The following DCAF5 variants were observed in gnomAD, a reference collection of about 807,000 sequenced individuals.
DCAF5 encodes the protein DDB1 and CUL4 associated factor 5, also known as DDB1- and CUL4-associated factor 5.
Under a neutral mutation model 80.7 loss-of-function variants are expected in DCAF5, and 9 were observed. The observed-to-expected ratio is 0.11, with a 90% CI of 0.07 to 0.19. The LOEUF (loss-of-function observed/expected upper bound fraction) is 0.19. DCAF5 is among the 10% of genes least tolerant of loss of function. DCAF5 has a pLI of 1.00. For synonymous variants in DCAF5, 433 were observed against 461.9 expected (o/e 0.94, Z 0.80); for missense variants, 842 against 1,205.7 (o/e 0.70, Z 4.47).
At chr14:69,111,828 T>A (rs970142197) in intron 5 of DCAF5, among the ~76,000 whole-genome samples, 1 of 152,218 alleles carries the variant, frequency 6.6e-6, no homozygotes, top group Admixed American at 6.5e-5. Context: ...AATGTTTTTT[T>A]ATCCAGTCAC....
intron 5 of DCAF5, among the ~76,000 whole-genome samples, chr14:69,108,764 G>A (rs940460683): frequency 6.6e-6 from 1 of 152,164 alleles, no homozygotes; most frequent in Non-Finnish European, 1.5e-5. Context: ...GTAGAAGACA[G>A]AAAGAAGGGA....
At chr14:69,124,391 G>A (rs2040815065) in intron 1 of DCAF5, among the ~76,000 whole-genome samples, 1 of 152,096 alleles carries the variant, frequency 6.6e-6, no homozygotes, top group Non-Finnish European at 1.5e-5. Flanking sequence ...TTTTGCCACA[G>A]CAGATTTCTT....
At chr14:69,101,876 A>G (rs2039964209) in intron 5 of DCAF5, among the ~76,000 whole-genome samples, 1 of 152,186 alleles carries the variant, frequency 6.6e-6, no homozygotes, top group Non-Finnish European at 1.5e-5. Context: ...AAAATACAGT[A>G]TAAAAGATTT....
chr14:69,148,380 G>A (rs185434747), intron 1 of DCAF5, among the ~76,000 whole-genome samples: 1 of 152,274 alleles, frequency 6.6e-6, no homozygotes, highest in East Asian at 1.9e-4. Flanking sequence ...CAATCATCAA[G>A]TATAAGCTAG....
chr14:69,101,010 A>T (rs545529210), intron 5 of DCAF5, among the ~76,000 whole-genome samples: 2 of 152,250 alleles, frequency 1.3e-5, no homozygotes, highest in Non-Finnish European at 2.9e-5. Flanking sequence ...CATGTATATC[A>T]TATCATCTAA....
intron 7 of DCAF5, among the ~76,000 whole-genome samples, chr14:69,072,562 T>C (rs1017930805): frequency 4.1e-5 from 6 of 147,628 alleles, no homozygotes; most frequent in African/African-American, 1.5e-4. Flanking sequence ...CAGTATGCTA[T>C]GATTGTGCCT....
At chr14:69,140,788 C>T (rs1016814324) in intron 1 of DCAF5, among the ~76,000 whole-genome samples, 2 of 152,010 alleles carry the variant, frequency 1.3e-5, no homozygotes, top group Admixed American at 6.6e-5. Context: ...ACTAACTAAC[C>T]ACTCTGCTTC....
rs537241647 is a variant in DCAF5 at position 69,146,543 on chromosome 14, T to C, written c.214+6222A>G. The stretch of plus-strand genomic sequence containing the variant: ...ACCAAATCTCACAGGCAAGAGCATT[T>C]TTGCTGTATTAAGTATAGCAAACCA... On this transcript the variant is annotated intron_variant, in intron 1 of 8. Transcript: ENST00000341516. Among the ~76,000 whole-genome samples the C allele has an allele frequency of 1.4e-3, 215 of 152,332 alleles. 5 individuals are homozygous for C. In the South Asian group the frequency reaches 0.028, roughly 20 times the overall value.
intron 1 of DCAF5, among the ~76,000 whole-genome samples, chr14:69,144,858 A>T (rs1276332129): frequency 6.6e-6 from 1 of 152,202 alleles, no homozygotes; most frequent in Non-Finnish European, 1.5e-5. Context: ...GAGTCCCGAC[A>T]GCCAGAGACA....
chr14:69,053,950 A>T lies in DCAF5; in HGVS notation c.2736T>A (p.Ala912=), dbSNP rs1348599759. 2 of 1,612,996 alleles carry T rather than the reference A, an allele frequency of 1.2e-6. No homozygotes were observed. The highest frequency in any genetic ancestry group is 1.7e-6 in the Non-Finnish European group (2 of 1,179,620). Residue 912 remains alanine, a synonymous_variant, in exon 9 of 9, where the codon GCT becomes GCA. Coordinates refer to ENST00000341516, the MANE Select transcript of DCAF5 (RefSeq NM_003861.3). Reference sequence around the variant, plus strand: ...TTTTGAGGCCACTGTGGCCATGAACAGCCCTGCTACTATCTGTGGCTGGGG... The same window carrying T: ...TTTTGAGGCCACTGTGGCCATGAACTGCCCTGCTACTATCTGTGGCTGGGG... ...TDTPATDSSR[A]VHGHSGLKRQ...
intron 5 of DCAF5, among the ~76,000 whole-genome samples, chr14:69,107,179 C>T (rs2040191938): frequency 1.3e-5 from 2 of 152,196 alleles, no homozygotes; most frequent in African/African-American, 4.8e-5. Flanking sequence ...CAGAGCTCCC[C>T]TCCATTTACC....
At position 69,085,314 on chromosome 14, in the gene DCAF5, C is replaced by T. The variant is rs147726930; in HGVS notation, c.879+6360G>A. The T allele has an allele frequency of 2.6e-3, 1,817 of 708,348 alleles. 26 individuals are homozygous for T. In the African/African-American group the frequency reaches 0.029, roughly 11 times the overall value. 43.9% of individuals were successfully genotyped at this position (708,348 alleles called of 1,614,324 possible). ...GTGGTGGATTTGGCTACCAGAAAAC[C>T]AAGAAAGTTGAGAAGTCCAAAATCT... On this transcript the variant is annotated intron_variant, in intron 6 of 8. Coordinates refer to ENST00000341516, the MANE Select transcript of DCAF5 (RefSeq NM_003861.3).
chr14:69,103,045 T>C (rs2040018788), intron 5 of DCAF5, among the ~76,000 whole-genome samples: 1 of 152,202 alleles, frequency 6.6e-6, no homozygotes, highest in African/African-American at 2.4e-5. Context: ...TTCAGCTCCA[T>C]TATAATCTTA....
At chr14:69,126,184 C>CT (rs1285451121) in intron 1 of DCAF5, among the ~76,000 whole-genome samples, 212 of 137,170 alleles carry the variant, frequency 1.5e-3, no homozygotes, top group Non-Finnish European at 1.9e-3. Flanking sequence ...CGGAGTTTCA[C>CT]TTTTTTTTTT....
intron 6 of DCAF5, chr14:69,085,086 C>T: frequency 1.0e-6 from 1 of 964,456 alleles, no homozygotes; most frequent in East Asian, 2.4e-5. Context: ...GAAATTGATT[C>T]AAAAGAACTA....
intron 6 of DCAF5, among the ~76,000 whole-genome samples, chr14:69,086,375 A>G (rs915497653): frequency 4.3e-4 from 65 of 151,954 alleles, no homozygotes; most frequent in African/African-American, 1.6e-3. Flanking sequence ...ACAAACAAAC[A>G]ACGACAACAA....
chr14:69,153,175 C>A, upstream of DCAF5: 1 of 428,912 alleles, frequency 2.3e-6, no homozygotes. Flanking sequence ...CTCCTTCCCC[C>A]CGAGGCTCCT....
At chr14:69,106,202 G>A (rs1007433637) in intron 5 of DCAF5, among the ~76,000 whole-genome samples, 18 of 148,690 alleles carry the variant, frequency 1.2e-4, no homozygotes, top group African/African-American at 4.2e-4. Flanking sequence ...AATTACAGGG[G>A]CCCACCACTA....
chr14:69,072,566 T>C (rs976487896), intron 7 of DCAF5, among the ~76,000 whole-genome samples: 3 of 148,702 alleles, frequency 2.0e-5, no homozygotes, highest in Non-Finnish European at 4.4e-5. Context: ...ATGCTATGAT[T>C]GTGCCTGTGA....
Sources: gnomAD v4.1 joint callset for allele counts (sites outside exome capture counted in the v4.1 genomes callset) on GRCh38, gnomAD v4.1.1 for gene constraint, MANE v1.5 for transcripts, NCBI Gene and HGNC (gene_info 2026-07-23, HGNC 2026-07-21) for gene names.